RBFOX1: variants seen among roughly 807,000 people sequenced by gnomAD.
RBFOX1 encodes RNA binding protein fox-1 homolog 1.
RBFOX1 carries 8 observed loss-of-function variants against 57.7 expected under a neutral mutation model. That is an observed-to-expected ratio of 0.14 (90% CI 0.08 to 0.25). The LOEUF (loss-of-function observed/expected upper bound fraction) is 0.25. RBFOX1 is among the 10% of genes least tolerant of loss of function. The probability of loss-of-function intolerance (pLI) is 1.00; values close to 1 mark genes in which losing one functional copy is unlikely to be tolerated. For missense variants in RBFOX1, 611 were observed against 548.5 expected (o/e 1.11, Z -1.14); for synonymous variants, 326 against 222.4 (o/e 1.47, Z -4.15).
chr16:6,812,258 T>C (rs1285295348), intron 3 of RBFOX1, among the ~76,000 whole-genome samples: 2 of 152,204 alleles, frequency 1.3e-5, no homozygotes, highest in African/African-American at 4.8e-5. Flanking sequence ...AAGAAATTTG[T>C]TCAAAATGAA....
chr16:6,847,678 A>T (rs750922599), intron 3 of RBFOX1, among the ~76,000 whole-genome samples: 11 of 152,164 alleles, frequency 7.2e-5, no homozygotes, highest in Non-Finnish European at 1.3e-4. Context: ...CAAGAGGCTG[A>T]TACGGTTATT....
At chr16:7,498,518 A>T (rs1263294745) in intron 4 of RBFOX1, among the ~76,000 whole-genome samples, 2 of 152,186 alleles carry the variant, frequency 1.3e-5, no homozygotes, top group Non-Finnish European at 2.9e-5. Flanking sequence ...TCAATATTTT[A>T]TTCAAGCAGA....
chr16:7,367,954 C>T (rs35508038), intron 4 of RBFOX1, among the ~76,000 whole-genome samples: 14,124 of 151,900 alleles, frequency 0.093, 772 homozygotes, highest in African/African-American at 0.15. Flanking sequence ...GCCCAAGGGT[C>T]ACCAGTTTAT....
chr16:6,002,074 C>G (rs558590232), intron 4 of RBFOX1, among the ~76,000 whole-genome samples: 1 of 151,126 alleles, frequency 6.6e-6, no homozygotes, highest in Non-Finnish European at 1.5e-5. Context: ...TGGGCTCAAG[C>G]GATTGTCCCT....
chr16:5,546,091 A>G (rs1311394316), intron 2 of RBFOX1, among the ~76,000 whole-genome samples: 1 of 152,198 alleles, frequency 6.6e-6, no homozygotes, highest in Non-Finnish European at 1.5e-5. Flanking sequence ...TGAAATAATA[A>G]GGAATACATA....
At chr16:6,972,482 C>T (rs938535373) in intron 3 of RBFOX1, among the ~76,000 whole-genome samples, 1 of 152,128 alleles carries the variant, frequency 6.6e-6, no homozygotes, top group Non-Finnish European at 1.5e-5. Flanking sequence ...TTTATCCATT[C>T]ATCTGTCAGT....
chr16:6,612,974 A>G (rs1229647350), intron 2 of RBFOX1, among the ~76,000 whole-genome samples: 1 of 151,500 alleles, frequency 6.6e-6, no homozygotes, highest in East Asian at 1.9e-4. Flanking sequence ...TCACGTGCCA[A>G]GTGAGAGAAG....
intron 2 of RBFOX1, among the ~76,000 whole-genome samples, chr16:6,394,109 C>A (rs890294056): frequency 6.6e-6 from 1 of 152,178 alleles, no homozygotes; most frequent in Non-Finnish European, 1.5e-5. Flanking sequence ...TCAAACAGGG[C>A]ACTAGTGTTC....
At chr16:6,908,368 C>T (rs999098297) in intron 3 of RBFOX1, among the ~76,000 whole-genome samples, 3 of 146,402 alleles carry the variant, frequency 2.0e-5, no homozygotes, top group East Asian at 1.9e-4. Flanking sequence ...CTTCTAACCC[C>T]GATGTGTGTC....
At chr16:7,595,923 T>C (rs2094664410) in intron 8 of RBFOX1, among the ~76,000 whole-genome samples, 1 of 151,462 alleles carries the variant, frequency 6.6e-6, no homozygotes, top group African/African-American at 2.4e-5. Context: ...TTTTCCATGT[T>C]TTATAATCAA....
chr16:6,809,965 G>C (rs771289090), intron 3 of RBFOX1, among the ~76,000 whole-genome samples: 16 of 151,022 alleles, frequency 1.1e-4, no homozygotes, highest in Non-Finnish European at 1.8e-4. Context: ...AGATTGATAT[G>C]ATCAGACATC....
At chr16:5,708,024 A>G (rs1420349953) in intron 3 of RBFOX1, among the ~76,000 whole-genome samples, 1 of 152,150 alleles carries the variant, frequency 6.6e-6, no homozygotes, top group African/African-American at 2.4e-5. Context: ...CACATGGTTA[A>G]TTATTGTTGT....
chr16:7,635,871 C>T (rs185208261), intron 11 of RBFOX1, among the ~76,000 whole-genome samples: 38 of 152,168 alleles, frequency 2.5e-4, no homozygotes, highest in East Asian at 1.9e-4. Context: ...AGTGCAGTAG[C>T]GCAGTCCCGG....
At chr16:6,243,458 G>A (rs1013592574) in intron 1 of RBFOX1, among the ~76,000 whole-genome samples, 9 of 152,174 alleles carry the variant, frequency 5.9e-5, no homozygotes, top group Non-Finnish European at 4.4e-5. Context: ...TACGGTTTAT[G>A]AGGAGACCTG....
chr16:6,154,188 T>C (rs934870705), intron 1 of RBFOX1, among the ~76,000 whole-genome samples: 1 of 152,220 alleles, frequency 6.6e-6, no homozygotes, highest in Non-Finnish European at 1.5e-5. Flanking sequence ...CAGCCTGGAC[T>C]TGGTCATCTG....
chr16:6,461,497 T>C (rs1227874117), intron 2 of RBFOX1, among the ~76,000 whole-genome samples: 1 of 152,238 alleles, frequency 6.6e-6, no homozygotes, highest in Non-Finnish European at 1.5e-5. Context: ...AGGCTAATTT[T>C]ACTTGTTTTG....
At chr16:5,240,901 G>C (rs1308042161) in intron 1 of RBFOX1, among the ~76,000 whole-genome samples, 3 of 152,208 alleles carry the variant, frequency 2.0e-5, no homozygotes. Flanking sequence ...AGGCACGCGG[G>C]TTTGGAGGGC....
intron 11 of RBFOX1, among the ~76,000 whole-genome samples, chr16:7,650,582 C>G (rs1327200197): frequency 6.6e-6 from 1 of 152,034 alleles, no homozygotes; most frequent in African/African-American, 2.4e-5. Context: ...TCTCTCTTGC[C>G]AAGCTTCTGT....
intron 2 of RBFOX1, among the ~76,000 whole-genome samples, chr16:6,507,692 A>G (rs1403044141): frequency 6.6e-6 from 1 of 152,134 alleles, no homozygotes; most frequent in Non-Finnish European, 1.5e-5. Flanking sequence ...CCTTAATGGC[A>G]TTATGCTAAG....
Sources: allele counts gnomAD v4.1 joint callset (sites outside exome capture counted in the v4.1 genomes callset), GRCh38; gene constraint gnomAD v4.1.1; transcripts MANE v1.5; gene names NCBI Gene and HGNC (gene_info 2026-07-23, HGNC 2026-07-21).